EIF2AK3: variants seen among roughly 807,000 people sequenced by gnomAD.
EIF2AK3 encodes eukaryotic translation initiation factor 2-alpha kinase 3.
EIF2AK3 carries 50 observed loss-of-function variants against 113.5 expected under a neutral mutation model. That is an observed-to-expected ratio of 0.44 (90% CI 0.35 to 0.56). EIF2AK3 has a LOEUF of 0.56. Among genes scored for constraint, EIF2AK3 ranks in the 20% least tolerant of loss-of-function variants. EIF2AK3 has a pLI of 0.00. For missense variants in EIF2AK3, 1,185 were observed against 1,378.0 expected, an observed-to-expected ratio of 0.86 and a Z score of 2.22; for synonymous variants, 448 against 495.4, an observed-to-expected ratio of 0.90 and a Z score of 1.27.
intron 13 of EIF2AK3, among the ~76,000 whole-genome samples, chr2:88,573,866 T>C (rs1357984893): frequency 6.6e-6 from 1 of 152,138 alleles, no homozygotes; most frequent in Non-Finnish European, 1.5e-5. Flanking sequence ...GCTACTTTCA[T>C]CAGAAAAGTA....
chr2:88,591,289 C>T (rs566838508), intron 4 of EIF2AK3, among the ~76,000 whole-genome samples: 98 of 152,250 alleles, frequency 6.4e-4, no homozygotes, highest in Non-Finnish European at 1.3e-3. Context: ...TGATGTGTCC[C>T]TTACAACAGC....
chr2:88,563,768 A>G (rs1558643490), intron 14 of EIF2AK3, among the ~76,000 whole-genome samples: 5 of 152,218 alleles, frequency 3.3e-5, no homozygotes, highest in Admixed American at 1.3e-4. Flanking sequence ...TAATATGGGA[A>G]ATACTTATAT....
rs190089271 is a variant in EIF2AK3, at chr2:88,582,352, A to C, written c.1763+1078T>G. On this transcript the variant is annotated intron_variant, in intron 10 of 16. Transcript: ENST00000303236. ...ATAATCATGCCTTGTGATTAAGGTC[A>C]ATGGAAAACTACAACAATCCAATCC... Among the ~76,000 whole-genome samples the C allele has an allele frequency of 1.5e-3, 225 of 152,326 alleles. 1 individual carries two copies. Among genetic ancestry groups the C allele is most frequent in the Admixed American group, 3.5e-3 (53 of 15,298 alleles).
chr2:88,560,730 A>G (rs1673927476), intron 15 of EIF2AK3, among the ~76,000 whole-genome samples: 1 of 149,714 alleles, frequency 6.7e-6, no homozygotes, highest in Non-Finnish European at 1.5e-5. Flanking sequence ...TGTTCTGAAA[A>G]TGGTTATTTT....
At chr2:88,571,832 C>G (rs1674319143) in intron 13 of EIF2AK3, among the ~76,000 whole-genome samples, 1 of 152,126 alleles carries the variant, frequency 6.6e-6, no homozygotes, top group South Asian at 2.1e-4. Flanking sequence ...ATATCTACTC[C>G]CAGATCTCTG....
chr2:88,590,713 A>G, intron 5 of EIF2AK3, 105 bp downstream of exon 5: 1 of 1,567,672 alleles, frequency 6.4e-7, no homozygotes, highest in Non-Finnish European at 8.8e-7. Context: ...ACAGAGAACA[A>G]GCTGAGAGCC....
intron 2 of EIF2AK3, among the ~76,000 whole-genome samples, chr2:88,603,068 G>A (rs2104454855): frequency 6.6e-6 from 1 of 152,128 alleles, no homozygotes; most frequent in South Asian, 2.1e-4. Context: ...AGCCATACTA[G>A]TTGTTTTGCA....
At chr2:88,558,063 GTC>G (rs2104377520) in intron 16 of EIF2AK3, 127 bp from the exon 17 acceptor site, 1 of 902,222 alleles carries the variant, frequency 1.1e-6, no homozygotes, top group East Asian at 2.6e-5. Flanking sequence ...GAGTTTTCAA[GTC>G]TCTGATACAA....
intron 4 of EIF2AK3, among the ~76,000 whole-genome samples, chr2:88,592,009 A>C (rs1351978682): frequency 6.6e-6 from 1 of 152,242 alleles, no homozygotes; most frequent in Non-Finnish European, 1.5e-5. Flanking sequence ...TTGAGAAAAC[A>C]GTTTTCAGGA....
At chr2:88,558,704 C>T (rs796631051) in intron 16 of EIF2AK3, among the ~76,000 whole-genome samples, 6 of 152,304 alleles carry the variant, frequency 3.9e-5, no homozygotes, top group Admixed American at 1.3e-4. Flanking sequence ...ACAGGTGCTA[C>T]AGTGTGGAAC....
In EIF2AK3 at chr2:88,585,952, CTTTTTGCGG is replaced by C; in HGVS notation, c.1530_1538del (p.Ile510_Lys513delinsMet). The C allele has an allele frequency of 6.2e-7, 1 of 1,614,062 alleles. No individual in the cohort carries two copies. The highest frequency in any genetic ancestry group is 8.5e-7 in the Non-Finnish European group (1 of 1,179,960). On this transcript the variant is annotated inframe_deletion, in exon 9 of 17. Transcript: ENST00000303236. ...ACCAGTGTAAAAGAAGAACAGGATC[CTTTTTGCGG>C]ATATTCTTGTTGTAATGTGGGTTGT...
rs1675902039 is a variant in EIF2AK3 at position 88,627,455 on chromosome 2, G to C, written c.-181C>G. 2.9e-6 allele frequency: 2 copies of C among 700,782 alleles called. No individual in the cohort carries two copies. The highest frequency in any genetic ancestry group is 4.1e-6 in the Non-Finnish European group (2 of 489,764). 43.4% of individuals were successfully genotyped at this position (700,782 alleles called of 1,614,324 possible). On this transcript the variant is annotated 5_prime_UTR_variant, in exon 1 of 17. Coordinates refer to ENST00000303236, the MANE Select transcript of EIF2AK3 (RefSeq NM_004836.7). ...CCCGGCCTCTGCCGCTGCCACCTGAGTGACAGCCTATCTCGGACATCGCCC... is the reference window on the plus strand; with the variant it reads ...CCCGGCCTCTGCCGCTGCCACCTGACTGACAGCCTATCTCGGACATCGCCC...
intron 2 of EIF2AK3, among the ~76,000 whole-genome samples, chr2:88,606,300 T>TAA (rs533854294): frequency 4.8e-5 from 7 of 147,076 alleles, no homozygotes; most frequent in African/African-American, 7.6e-5. Flanking sequence ...GTCAATTTCC[T>TAA]AAAAAAATAA....
chr2:88,581,829 C>T (rs2104422788), intron 10 of EIF2AK3, among the ~76,000 whole-genome samples: 1 of 152,276 alleles, frequency 6.6e-6, no homozygotes, highest in Non-Finnish European at 1.5e-5. Context: ...TGTTCCCCAC[C>T]ATCCTGAAGC....
At chr2:88,607,803 T>C (rs968529807) in intron 2 of EIF2AK3, among the ~76,000 whole-genome samples, 1 of 152,228 alleles carries the variant, frequency 6.6e-6, no homozygotes, top group African/African-American at 2.4e-5. Flanking sequence ...TCCTTAAATG[T>C]AGTAAAAGGG....
At chr2:88,605,281 G>A (rs1169834751) in intron 2 of EIF2AK3, among the ~76,000 whole-genome samples, 1 of 152,050 alleles carries the variant, frequency 6.6e-6, no homozygotes, top group Non-Finnish European at 1.5e-5. Context: ...ATTCTCTATT[G>A]GAAACTTCAG....
At chr2:88,611,336 T>G (rs1414491254) in intron 2 of EIF2AK3, among the ~76,000 whole-genome samples, 2 of 152,236 alleles carry the variant, frequency 1.3e-5, no homozygotes, top group East Asian at 3.9e-4. Context: ...AGGATTACAC[T>G]GTGTAAGCAG....
At chr2:88,600,753 A>G (rs570887958) in intron 2 of EIF2AK3, among the ~76,000 whole-genome samples, 1 of 152,354 alleles carries the variant, frequency 6.6e-6, no homozygotes, top group African/African-American at 2.4e-5. Context: ...AAGGAATTTC[A>G]TATGAGAAAA....
At chr2:88,570,617 C>T (rs1024815294) in intron 14 of EIF2AK3, among the ~76,000 whole-genome samples, 2 of 152,140 alleles carry the variant, frequency 1.3e-5, no homozygotes, top group African/African-American at 4.8e-5. Flanking sequence ...TTTCCAAATT[C>T]CTGGTTGCTG....
Sources: allele counts gnomAD v4.1 joint callset (sites outside exome capture counted in the v4.1 genomes callset), GRCh38; gene constraint gnomAD v4.1.1; transcripts MANE v1.5; gene names NCBI Gene and HGNC (gene_info 2026-07-23, HGNC 2026-07-21).